Variants in NSD2 observed in about 807,000 individuals in gnomAD.
NSD2 encodes histone-lysine N-methyltransferase NSD2.
In NSD2, 12 loss-of-function variants were observed where a neutral mutation model predicts 139.0. That is an observed-to-expected ratio of 0.09 (90% CI 0.06 to 0.14). The LOEUF is 0.14. NSD2 is among the 10% of genes least tolerant of loss of function. The probability of loss-of-function intolerance (pLI) is 1.00; values close to 1 mark genes in which losing one functional copy is unlikely to be tolerated. For synonymous variants in NSD2, 669 were observed against 648.7 expected (o/e 1.03, Z -0.48); for missense variants, 1,155 against 1,745.0 (o/e 0.66, Z 6.02).
In NSD2 at chr4:1,935,241, G is replaced by T; in HGVS notation, c.1653G>T (p.Thr551=). 2 of 1,612,746 alleles carry T rather than the reference G, an allele frequency of 1.2e-6. No homozygotes were observed. The highest frequency in any genetic ancestry group is 1.7e-6 in the Non-Finnish European group (2 of 1,179,192). Residue 551 remains threonine, a synonymous_variant, in exon 7 of 22, where the codon ACG becomes ACT. Transcript: ENST00000508803. ...ACACACCCAGGAAAAGACTCAGGAC[G>T]GACAAGCACAGTCTTCGGAAGGTAA... The part of the protein sequence containing the change: ...AEDTPRKRLR[T]DKHSLRKRDT...
intron 11 of NSD2, 54 bp downstream of exon 11, chr4:1,952,285 A>G: frequency 6.2e-7 from 1 of 1,605,502 alleles, no homozygotes; most frequent in South Asian, 1.1e-5. Flanking sequence ...CTGCTCCTGC[A>G]ACCCCCTGCA....
chr4:1,895,311 A>G (rs188571774), intron 1 of NSD2, among the ~76,000 whole-genome samples: 25 of 152,166 alleles, frequency 1.6e-4, no homozygotes, highest in Non-Finnish European at 2.9e-4. Context: ...TGTTTTGTTC[A>G]ATGTTATAAT....
At chr4:1,945,388 T>TGGTGTGTGTGTCCAGA in intron 9 of NSD2, 1 of 1,061,998 alleles carries the variant, frequency 9.4e-7, no homozygotes, top group Non-Finnish European at 1.1e-6. Flanking sequence ...TGCTTGCCCA[T>TGGTGTGTGTGTCCAGA]GGTGTGTGTG....
At chr4:1,927,359 G>A (rs1721051129) in intron 5 of NSD2, among the ~76,000 whole-genome samples, 2 of 152,150 alleles carry the variant, frequency 1.3e-5, no homozygotes, top group South Asian at 2.1e-4. Context: ...GTTGGGGGTC[G>A]TCTTGGAGGG....
At chr4:1,910,083 A>C (rs901438887) in intron 3 of NSD2, among the ~76,000 whole-genome samples, 3 of 152,222 alleles carry the variant, frequency 2.0e-5, no homozygotes, top group Admixed American at 2.0e-4. Context: ...GCTACAGCTC[A>C]ATCTAGATTC....
rs1727571881 is a variant in NSD2, at chr4:1,979,797, C to G, written c.*888C>G. The G allele has an allele frequency of 4.3e-6, 1 of 232,244 alleles. No homozygotes were observed. The highest frequency in any genetic ancestry group is 8.5e-6 in the Non-Finnish European group (1 of 117,496). The allele number at this position is 232,244 out of a possible 1,614,324, so 14.4% of individuals were successfully genotyped here. A position where few individuals can be genotyped will look rare whatever the true frequency, so the allele number is the denominator to read the frequency against. On this transcript the variant is annotated 3_prime_UTR_variant, in exon 22 of 22. Transcript: ENST00000508803. Reference sequence around the variant, plus strand: ...TTTGCTAAACCTATTTCACAAATCACCACCGACTGAAGTGTGTGTTTACTG... The same window carrying G: ...TTTGCTAAACCTATTTCACAAATCAGCACCGACTGAAGTGTGTGTTTACTG...
Position 1,938,416 on chromosome 4 carries a change from CTTTTTTT to C in NSD2, c.1675-16_1675-10del, listed in dbSNP as rs746279426. 666 of 325,780 alleles carry C rather than the reference CTTTTTTT, an allele frequency of 2.0e-3. 2 individuals are homozygous for C. The highest frequency in any genetic ancestry group is 4.3e-3 in the African/African-American group (85 of 19,544). 20.2% of individuals were successfully genotyped at this position (325,780 alleles called of 1,614,324 possible). A position where few individuals can be genotyped will look rare whatever the true frequency, so the allele number is the denominator to read the frequency against. On this transcript the variant is annotated intron_variant, in intron 7 of 21. Transcript: ENST00000508803. Reference sequence around the variant, plus strand: ...TTTTTCTTTTCTTTTTTTTTTCTTTCTTTTTTTTTTTTTTTTTTTTTTTTTAAATAAT... The same window carrying C: ...TTTTTCTTTTCTTTTTTTTTTCTTTCTTTTTTTTTTTTTTTTTTAAATAAT...
intron 18 of NSD2, among the ~76,000 whole-genome samples, chr4:1,966,794 T>A (rs747116757): frequency 6.6e-5 from 10 of 152,242 alleles, no homozygotes; most frequent in Non-Finnish European, 1.3e-4. Flanking sequence ...GTTTTACTCA[T>A]GAATTACTGG....
At position 1,978,980 on chromosome 4, in the gene NSD2, G is replaced by A; in HGVS notation, c.*71G>A. 1.4e-6 allele frequency: 2 copies of A among 1,435,128 alleles called. No individual in the cohort carries two copies. Among genetic ancestry groups the A allele is most frequent in the South Asian group, 3.1e-5 (2 of 65,474 alleles). 88.9% of individuals were successfully genotyped at this position (1,435,128 alleles called of 1,614,324 possible). On this transcript the variant is annotated 3_prime_UTR_variant, in exon 22 of 22. Transcript: ENST00000508803. ...CGGCCCTGCCTGCGGGAGAGGGCGA[G>A]CATGAACTGGCCCGGAGGACCCAGC...
chr4:1,909,155 TC>T (rs1186452283), intron 3 of NSD2, among the ~76,000 whole-genome samples: 1 of 152,144 alleles, frequency 6.6e-6, no homozygotes, highest in Non-Finnish European at 1.5e-5. Flanking sequence ...TCTATTAAGT[TC>T]CTTTAAGTTG....
chr4:1,901,871 C>T (rs142836236), intron 2 of NSD2, among the ~76,000 whole-genome samples: 5 of 152,334 alleles, frequency 3.3e-5, no homozygotes, highest in Non-Finnish European at 7.3e-5. Flanking sequence ...TGAACACAAG[C>T]GAATGAGTGT....
At chr4:1,912,741 T>C (rs546404759) in intron 3 of NSD2, among the ~76,000 whole-genome samples, 1 of 152,266 alleles carries the variant, frequency 6.6e-6, no homozygotes, top group East Asian at 1.9e-4. Flanking sequence ...AAAAAGTTGT[T>C]TTCTCTCATC....
chr4:1,949,176 T>C (rs1441125573), intron 9 of NSD2, among the ~76,000 whole-genome samples: 1 of 152,260 alleles, frequency 6.6e-6, no homozygotes, highest in Non-Finnish European at 1.5e-5. Context: ...AGGTTTGAAC[T>C]CAGAGCACGT....
rs1472036247 is a variant in NSD2, at chr4:1,949,283, C to T, written c.1882-1789C>T. ...CACAGTGACAGAGCCTTAAAGTGTG[C>T]ACTGCTCTGATTAGTGTTCATGACG... is the stretch of plus-strand genomic sequence containing the variant. On this transcript the variant is annotated intron_variant, in intron 9 of 21. Coordinates refer to ENST00000508803, the MANE Select transcript of NSD2 (RefSeq NM_001042424.3). Among the ~76,000 whole-genome samples the T allele has an allele frequency of 2.6e-5, 4 of 152,228 alleles. No homozygotes were observed. In the East Asian group the frequency reaches 7.7e-4, roughly 29 times the overall value.
Position 1,979,246 on chromosome 4 carries a change from ATCTCC to A in NSD2, c.*341_*345del. 3.5e-6 allele frequency: 1 copy of A among 283,834 alleles called. No homozygotes were observed. Among genetic ancestry groups the A allele is most frequent in the Non-Finnish European group, 6.6e-6 (1 of 152,492 alleles). 17.6% of individuals were successfully genotyped at this position (283,834 alleles called of 1,614,324 possible). A position where few individuals can be genotyped will look rare whatever the true frequency, so the allele number is the denominator to read the frequency against. On this transcript the variant is annotated 3_prime_UTR_variant, in exon 22 of 22. Transcript: ENST00000508803. The stretch of plus-strand genomic sequence containing the variant: ...GTTAATTGGCATATGGAATGTTTTA[ATCTCC>A]TCTGAAATGTGTAGCGTAGGCTTTT...
intron 16 of NSD2, among the ~76,000 whole-genome samples, chr4:1,959,164 C>G (rs1478681347): frequency 6.6e-6 from 1 of 152,188 alleles, no homozygotes; most frequent in African/African-American, 2.4e-5. Flanking sequence ...CGCTTTTTCT[C>G]TCTTCATCTT....
At chr4:1,901,675 G>C (rs1717196458) in intron 2 of NSD2, among the ~76,000 whole-genome samples, 1 of 152,190 alleles carries the variant, frequency 6.6e-6, no homozygotes, top group Non-Finnish European at 1.5e-5. Context: ...GACTTCTTAA[G>C]TCTGCACCAT....
chr4:1,950,919 G>T (rs1724151825), intron 9 of NSD2, among the ~76,000 whole-genome samples, 153 bp from the exon 10 acceptor site: 1 of 148,354 alleles, frequency 6.7e-6, no homozygotes, highest in Non-Finnish European at 1.5e-5. Context: ...ACCAGTTGAT[G>T]ATGGTTCCAC....
chr4:1,920,627 T>G (rs1465790258), intron 5 of NSD2, among the ~76,000 whole-genome samples: 1 of 152,116 alleles, frequency 6.6e-6, no homozygotes, highest in African/African-American at 2.4e-5. Context: ...TTTTTCTCCT[T>G]GGGAGGTTGA....
Sources: gnomAD v4.1 joint callset for allele counts (sites outside exome capture counted in the v4.1 genomes callset) on GRCh38, gnomAD v4.1.1 for gene constraint, MANE v1.5 for transcripts, NCBI Gene and HGNC (gene_info 2026-07-23, HGNC 2026-07-21) for gene names.